GABRA2: variants seen among roughly 807,000 people sequenced by gnomAD.
GABRA2 encodes gamma-aminobutyric acid type A receptor subunit alpha2, also known as gamma-aminobutyric acid receptor subunit alpha-2.
Under a neutral mutation model 48.7 loss-of-function variants are expected in GABRA2, and 16 were observed. The ratio of observed to expected loss-of-function variants is 0.33; its 90% CI spans 0.22 to 0.50. GABRA2 has a LOEUF of 0.50. Ranked by LOEUF, GABRA2 falls within the 20% of genes least tolerant of loss-of-function variation. GABRA2 has a pLI of 0.98. For synonymous variants in GABRA2, 185 were observed against 184.5 expected, an observed-to-expected ratio of 1.00 and a Z score of -0.02; for missense variants, 275 against 535.6, an observed-to-expected ratio of 0.51 and a Z score of 4.80.
Position 46,390,056 on chromosome 4 carries a change from G to GT in GABRA2, c.-333_-332insA. On this transcript the variant is annotated 5_prime_UTR_variant, in exon 1 of 10. Coordinates refer to ENST00000381620, the MANE Select transcript of GABRA2 (RefSeq NM_000807.4). ...GAAAACGATGACAGGAGCTGGGGCC[G>GT]GGGGGGGAAATTGGGGGGACGCGGG... 4 of 174,964 alleles carry GT rather than the reference G, an allele frequency of 2.3e-5. No individual in the cohort carries two copies. The highest frequency in any genetic ancestry group is 1.7e-4 in the African/African-American group (4 of 23,052). 10.8% of individuals were successfully genotyped at this position (174,964 alleles called of 1,614,324 possible). A position where few individuals can be genotyped will look rare whatever the true frequency, so the allele number is the denominator to read the frequency against.
At chr4:46,272,176 C>G (rs550958759) in intron 8 of GABRA2, among the ~76,000 whole-genome samples, 1 of 151,864 alleles carries the variant, frequency 6.6e-6, no homozygotes, top group African/African-American at 2.4e-5. Flanking sequence ...CACACACAAC[C>G]TGGTCTGATG....
In GABRA2 at chr4:46,250,234, TA is replaced by T. The variant is rs1376978792; in HGVS notation, c.*73del. On this transcript the variant is annotated 3_prime_UTR_variant, in exon 10 of 10. Coordinates refer to ENST00000381620, the MANE Select transcript of GABRA2 (RefSeq NM_000807.4). Reference sequence around the variant, plus strand: ...TGTTGGATCACAAATTAGCAGTTATTAGTCAGACTGTACATAGCAAAACAAA... The same window carrying T: ...TGTTGGATCACAAATTAGCAGTTATTGTCAGACTGTACATAGCAAAACAAA... 73 of 1,225,596 alleles carry T rather than the reference TA, an allele frequency of 6.0e-5. No homozygotes were observed. Among genetic ancestry groups the T allele is most frequent in the Non-Finnish European group, 7.8e-5 (67 of 861,780 alleles). The allele number at this position is 1,225,596 out of a possible 1,614,324, so 75.9% of individuals were successfully genotyped here.
intron 8 of GABRA2, among the ~76,000 whole-genome samples, chr4:46,284,848 A>T (rs1722232368): frequency 6.6e-6 from 1 of 151,896 alleles, no homozygotes; most frequent in Non-Finnish European, 1.5e-5. Flanking sequence ...TTTTATTAAA[A>T]CTTGTGTGGA....
chr4:46,314,355 G>C (rs1049442448), intron 4 of GABRA2, among the ~76,000 whole-genome samples: 1 of 151,950 alleles, frequency 6.6e-6, no homozygotes, highest in Non-Finnish European at 1.5e-5. Context: ...TGTTTTATCT[G>C]TTTCAGAAGC....
At chr4:46,298,641 C>T (rs1725186809) in intron 8 of GABRA2, among the ~76,000 whole-genome samples, 1 of 151,850 alleles carries the variant, frequency 6.6e-6, no homozygotes, top group Non-Finnish European at 1.5e-5. Context: ...ATGTTAATAA[C>T]TGTGTGTAGA....
chr4:46,270,173 C>G (rs990764382), intron 8 of GABRA2, among the ~76,000 whole-genome samples: 3 of 151,930 alleles, frequency 2.0e-5, no homozygotes, highest in Admixed American at 2.0e-4. Context: ...AGGCAGTCTT[C>G]CCCATATCTA....
At chr4:46,388,881 T>C in intron 1 of GABRA2, 165 bp from the exon 2 acceptor site, 1 of 1,353,936 alleles carries the variant, frequency 7.4e-7, no homozygotes, top group Non-Finnish European at 9.5e-7. Context: ...AGACGATTTC[T>C]TTTTTATGGA....
chr4:46,369,104 G>C, intron 3 of GABRA2: 1 of 655,918 alleles, frequency 1.5e-6, no homozygotes, highest in Non-Finnish European at 2.8e-6. Flanking sequence ...AAATAGGGTA[G>C]GGCTAGGTTA....
intron 3 of GABRA2, among the ~76,000 whole-genome samples, chr4:46,337,650 C>CAAA (rs71652880): frequency 0.34 from 35,989 of 107,058 alleles, 5,469 homozygotes; most frequent in East Asian, 0.58. Context: ...TTGTTAAGAC[C>CAAA]AAAAAAAAAA....
intron 8 of GABRA2, among the ~76,000 whole-genome samples, chr4:46,263,299 C>T (rs552451920): frequency 1.3e-5 from 2 of 152,114 alleles, no homozygotes; most frequent in South Asian, 4.1e-4. Flanking sequence ...ACCTAAGAAA[C>T]TGTTGTCTAA....
At chr4:46,279,898 C>T (rs990677196) in intron 8 of GABRA2, among the ~76,000 whole-genome samples, 1 of 152,038 alleles carries the variant, frequency 6.6e-6, no homozygotes, top group Admixed American at 6.6e-5. Context: ...TTGCATTCCA[C>T]TACTTATAGA....
chr4:46,281,646 C>G (rs76134034), intron 8 of GABRA2, among the ~76,000 whole-genome samples: 1 of 152,050 alleles, frequency 6.6e-6, no homozygotes, highest in African/African-American at 2.4e-5. Context: ...GCAGACCTTG[C>G]CAGGATGATG....
At chr4:46,301,279 T>C (rs1170634403) in intron 8 of GABRA2, among the ~76,000 whole-genome samples, 3 of 152,166 alleles carry the variant, frequency 2.0e-5, no homozygotes, top group Non-Finnish European at 2.9e-5. Flanking sequence ...ACATTAAATA[T>C]GTACAGATTT....
At chr4:46,388,916 CTG>C in intron 1 of GABRA2, 200 bp from the exon 2 acceptor site, 1 of 864,646 alleles carries the variant, frequency 1.2e-6, no homozygotes, top group Non-Finnish European at 1.6e-6. Flanking sequence ...CTTTTCCTTT[CTG>C]TTTCTTTCTT....
chr4:46,276,910 T>A (rs888023782), intron 8 of GABRA2, among the ~76,000 whole-genome samples: 1 of 152,168 alleles, frequency 6.6e-6, no homozygotes, highest in Non-Finnish European at 1.5e-5. Context: ...TCATTATTGC[T>A]ATATAAATTT....
chr4:46,301,953 T>C (rs1725815650), intron 8 of GABRA2, among the ~76,000 whole-genome samples: 1 of 152,160 alleles, frequency 6.6e-6, no homozygotes. Context: ...GCCCAATTCA[T>C]ATATCTATAT....
chr4:46,331,759 G>A (rs1382387726), intron 4 of GABRA2, among the ~76,000 whole-genome samples: 2 of 151,926 alleles, frequency 1.3e-5, no homozygotes, highest in Non-Finnish European at 1.5e-5. Context: ...TTGGAGACAG[G>A]GTCTCACTCT....
In GABRA2 at chr4:46,249,911, G is replaced by A. The variant is rs945051729; in HGVS notation, c.*397C>T. 2 of 165,796 alleles carry A rather than the reference G, an allele frequency of 1.2e-5. No individual in the cohort carries two copies. Among genetic ancestry groups the A allele is most frequent in the African/African-American group, 4.8e-5 (2 of 41,602 alleles). The allele number at this position is 165,796 out of a possible 1,614,324, so 10.3% of individuals were successfully genotyped here. On this transcript the variant is annotated 3_prime_UTR_variant, in exon 10 of 10. Transcript: ENST00000381620. ...TACTTCAAAGGATTCATCTAGGAAT[G>A]ACAATGTTATCTTCCATCATAATTA...
chr4:46,352,069 C>A (rs985461473), intron 3 of GABRA2, among the ~76,000 whole-genome samples: 10 of 151,884 alleles, frequency 6.6e-5, no homozygotes, highest in African/African-American at 2.4e-4. Context: ...TCAAAGGCAG[C>A]TATGGTACAA....
Sources: allele counts gnomAD v4.1 joint callset (sites outside exome capture counted in the v4.1 genomes callset), GRCh38; gene constraint gnomAD v4.1.1; transcripts MANE v1.5; gene names NCBI Gene and HGNC (gene_info 2026-07-23, HGNC 2026-07-21).